The following B3GALT1 variants were observed in gnomAD, a reference collection of about 807,000 sequenced individuals.
B3GALT1 encodes the protein beta-1,3-galactosyltransferase 1, also known as UDP-Gal:betaGlcNAc beta 1,3-galactosyltransferase, polypeptide 1.
In B3GALT1, 10 loss-of-function variants were observed where a neutral mutation model predicts 23.2. The observed-to-expected ratio is 0.43, with a 90% CI of 0.27 to 0.73. B3GALT1 has a LOEUF of 0.73. B3GALT1 is among the 30% of genes least tolerant of loss of function. The pLI is 0.21. For synonymous variants in B3GALT1, 156 were observed against 141.5 expected (o/e 1.10, Z -0.73); for missense variants, 299 against 405.4 (o/e 0.74, Z 2.25).
chr2:167,597,363 C>T (rs561058529), intron 2 of B3GALT1, among the ~76,000 whole-genome samples: 1 of 152,236 alleles, frequency 6.6e-6, no homozygotes, highest in South Asian at 2.1e-4. Context: ...GATCTGCCCG[C>T]CTTGGCCTCC....
chr2:167,638,076 A>G (rs1469740507), intron 2 of B3GALT1, among the ~76,000 whole-genome samples: 1 of 152,086 alleles, frequency 6.6e-6, no homozygotes, highest in Non-Finnish European at 1.5e-5. Flanking sequence ...CTTTGGATAT[A>G]GAATAAGACC....
At chr2:167,698,030 T>G (rs1686813300) in intron 3 of B3GALT1, among the ~76,000 whole-genome samples, 1 of 152,224 alleles carries the variant, frequency 6.6e-6, no homozygotes, top group South Asian at 2.1e-4. Context: ...AGTATTATCA[T>G]GATTGCACTT....
chr2:167,579,174 T>C (rs953293842), intron 2 of B3GALT1, among the ~76,000 whole-genome samples: 2 of 152,094 alleles, frequency 1.3e-5, no homozygotes, highest in Non-Finnish European at 2.9e-5. Context: ...TTTGCCTTTC[T>C]CTGTTAATGT....
intron 2 of B3GALT1, among the ~76,000 whole-genome samples, chr2:167,587,085 C>CT (rs1684596024): frequency 6.6e-6 from 1 of 152,162 alleles, no homozygotes; most frequent in Admixed American, 6.5e-5. Context: ...TCTAAGAAGT[C>CT]TTAATTACTA....
intron 3 of B3GALT1, among the ~76,000 whole-genome samples, chr2:167,707,412 G>A (rs1686982090): frequency 6.6e-6 from 1 of 152,038 alleles, no homozygotes; most frequent in South Asian, 2.1e-4. Context: ...ATTCCGTAGG[G>A]TAGAAGTCTA....
At chr2:167,338,800 T>C (rs1697100841) in intron 1 of B3GALT1, among the ~76,000 whole-genome samples, 1 of 151,942 alleles carries the variant, frequency 6.6e-6, no homozygotes, top group Admixed American at 6.6e-5. Context: ...ATAAACAAAG[T>C]ATAAAAGAAA....
chr2:167,569,014 T>G (rs1383161932), intron 2 of B3GALT1, among the ~76,000 whole-genome samples: 1 of 151,968 alleles, frequency 6.6e-6, no homozygotes, highest in Non-Finnish European at 1.5e-5. Context: ...TCGTTCCTTT[T>G]TCAAAGATCC....
intron 3 of B3GALT1, among the ~76,000 whole-genome samples, chr2:167,750,674 A>G (rs1283494948): frequency 6.6e-6 from 1 of 151,144 alleles, no homozygotes; most frequent in Non-Finnish European, 1.5e-5. Context: ...CAACCTTTTC[A>G]TAGACAGATA....
At chr2:167,314,903 G>T (rs553643637) in intron 1 of B3GALT1, among the ~76,000 whole-genome samples, 47 of 152,188 alleles carry the variant, frequency 3.1e-4, no homozygotes, top group Non-Finnish European at 5.9e-4. Flanking sequence ...ACACAAATGG[G>T]TTGTTACATA....
At chr2:167,545,651 C>T (rs73026023) in intron 2 of B3GALT1, among the ~76,000 whole-genome samples, 2,853 of 152,188 alleles carry the variant, frequency 0.019, 75 homozygotes, top group African/African-American at 0.065. Context: ...CTTCAGACAC[C>T]AGCCACAAGT....
At chr2:167,656,148 G>A (rs763797634) in intron 3 of B3GALT1, among the ~76,000 whole-genome samples, 1 of 152,096 alleles carries the variant, frequency 6.6e-6, no homozygotes, top group African/African-American at 2.4e-5. Context: ...GGCTTTCTAA[G>A]ACAGTAGAGG....
intron 1 of B3GALT1, among the ~76,000 whole-genome samples, chr2:167,344,219 A>G (rs182101013): frequency 7.2e-5 from 11 of 152,324 alleles, no homozygotes; most frequent in African/African-American, 7.2e-5. Context: ...GAGATGAGCA[A>G]TTGAACCAGT....
chr2:167,305,730 A>AAAG (rs1696542051), intron 1 of B3GALT1, among the ~76,000 whole-genome samples: 1 of 152,116 alleles, frequency 6.6e-6, no homozygotes, highest in African/African-American at 2.4e-5. Context: ...ATTGTGAACT[A>AAAG]ATCTCATTTG....
At chr2:167,666,720 CTT>C in intron 3 of B3GALT1, among the ~76,000 whole-genome samples, 1 of 152,224 alleles carries the variant, frequency 6.6e-6, no homozygotes, top group South Asian at 2.1e-4. Flanking sequence ...TTCTTTGTCT[CTT>C]TTTATCTTTG....
At chr2:167,835,144 C>A (rs535184740) in intron 4 of B3GALT1, among the ~76,000 whole-genome samples, 41 of 152,240 alleles carry the variant, frequency 2.7e-4, no homozygotes, top group Non-Finnish European at 5.1e-4. Flanking sequence ...TCTGAGGTAC[C>A]GGGTTCATCT....
chr2:167,366,433 T>C (rs1417074430), intron 1 of B3GALT1, among the ~76,000 whole-genome samples: 2 of 152,034 alleles, frequency 1.3e-5, no homozygotes, highest in Non-Finnish European at 2.9e-5. Flanking sequence ...CCCTGTGGGG[T>C]TGTCAGGATT....
chr2:167,691,767 G>A (rs1006054976), intron 3 of B3GALT1, among the ~76,000 whole-genome samples: 38 of 152,132 alleles, frequency 2.5e-4, no homozygotes, highest in Admixed American at 9.8e-4. Context: ...AATTAATTTA[G>A]TAGCTTAAAA....
chr2:167,295,753 A>G (rs1696339578), intron 1 of B3GALT1, among the ~76,000 whole-genome samples: 1 of 146,688 alleles, frequency 6.8e-6, no homozygotes, highest in African/African-American at 2.6e-5. Flanking sequence ...TGCTCATTTT[A>G]AGGTTGTGTG....
At chr2:167,655,016 T>C (rs1147159) in intron 3 of B3GALT1, among the ~76,000 whole-genome samples, 146,441 of 152,158 alleles carry the variant, frequency 0.96, 70,664 homozygotes, top group Non-Finnish European at 1. Context: ...ATTAATATTC[T>C]CTGTAACAAA....
Sources: allele counts gnomAD v4.1 joint callset (sites outside exome capture counted in the v4.1 genomes callset), GRCh38; gene constraint gnomAD v4.1.1; transcripts MANE v1.5; gene names NCBI Gene and HGNC (gene_info 2026-07-23, HGNC 2026-07-21).